Variants in RALY observed in about 807,000 individuals in gnomAD.
The protein encoded by RALY is RALY heterogeneous nuclear ribonucleoprotein.
In RALY, 15 loss-of-function variants were observed where a neutral mutation model predicts 30.7. That is an observed-to-expected ratio of 0.49 (90% CI 0.33 to 0.75). The LOEUF (loss-of-function observed/expected upper bound fraction) is 0.75. Ranked by LOEUF, RALY falls within the 30% of genes least tolerant of loss-of-function variation. The probability of loss-of-function intolerance (pLI) is 0.02; values close to 1 mark genes in which losing one functional copy is unlikely to be tolerated. For missense variants in RALY, 339 were observed against 414.3 expected (o/e 0.82, Z 1.58); for synonymous variants, 177 against 170.8 (o/e 1.04, Z -0.28).
At chr20:34,025,308 TC>T (rs11167222) in intron 1 of RALY, among the ~76,000 whole-genome samples, 99,704 of 142,186 alleles carry the variant, frequency 0.7, 34,953 homozygotes, top group South Asian at 0.82. Context: ...TCTCTCTCTC[TC>T]TTTTTTTTTT....
At chr20:34,020,579 G>T (rs1332088847) in intron 1 of RALY, among the ~76,000 whole-genome samples, 1 of 152,234 alleles carries the variant, frequency 6.6e-6, no homozygotes, top group African/African-American at 2.4e-5. Context: ...AGACAGATTA[G>T]TTAGAACATG....
intron 1 of RALY, among the ~76,000 whole-genome samples, chr20:34,005,464 G>A (rs1233717606): frequency 1.3e-5 from 2 of 151,796 alleles, no homozygotes; most frequent in African/African-American, 2.4e-5. Context: ...AGCCAAGATC[G>A]TGCCACTGCG....
intron 1 of RALY, among the ~76,000 whole-genome samples, chr20:34,013,553 C>T (rs1412017029): frequency 6.6e-6 from 1 of 152,122 alleles, no homozygotes; most frequent in Non-Finnish European, 1.5e-5. Flanking sequence ...CTTCTTATCC[C>T]CTTTACCTGA....
chr20:34,012,995 C>G (rs932531891), intron 1 of RALY, among the ~76,000 whole-genome samples: 6 of 152,178 alleles, frequency 3.9e-5, no homozygotes, highest in African/African-American at 1.4e-4. Flanking sequence ...GGTACTTGGA[C>G]TACTCATACA....
intron 3 of RALY, 53 bp downstream of exon 3, chr20:34,072,383 A>C (rs2033752001): frequency 6.4e-7 from 1 of 1,563,280 alleles, no homozygotes; most frequent in African/African-American, 1.4e-5. Context: ...AGCTGCTATC[A>C]CTATCCAGTT....
intron 2 of RALY, among the ~76,000 whole-genome samples, chr20:34,048,196 T>C (rs1459519156): frequency 6.6e-6 from 1 of 152,222 alleles, no homozygotes; most frequent in Middle Eastern, 3.2e-3. Context: ...CTGGACTCGT[T>C]AAAATGCTCT....
At chr20:34,072,777 G>A (rs1322411757) in intron 3 of RALY, among the ~76,000 whole-genome samples, 1 of 152,222 alleles carries the variant, frequency 6.6e-6, no homozygotes, top group Admixed American at 6.5e-5. Flanking sequence ...CTCTCTTGAA[G>A]TATGTACAGT....
intron 1 of RALY, among the ~76,000 whole-genome samples, chr20:34,007,820 C>CAAAAAAAAAAAAAA (rs10649045): frequency 8.9e-5 from 9 of 101,590 alleles, no homozygotes; most frequent in African/African-American, 3.2e-4. Context: ...AACTCCGTCT[C>CAAAAAAAAAAAAAA]AAAAAAAAAA....
intron 2 of RALY, among the ~76,000 whole-genome samples, chr20:34,064,814 T>C (rs45512800): frequency 4.1e-3 from 627 of 152,336 alleles, no homozygotes; most frequent in South Asian, 0.02. Context: ...ACTAGCACTT[T>C]ACTCATATTA....
chr20:34,040,762 T>C (rs1424904886), intron 2 of RALY, among the ~76,000 whole-genome samples: 1 of 152,200 alleles, frequency 6.6e-6, no homozygotes, highest in African/African-American at 2.4e-5. Flanking sequence ...AAGCTGAGGC[T>C]CAGTGAAGTG....
chr20:34,065,124 C>G (rs750955753), intron 2 of RALY: 4 of 152,138 alleles, frequency 2.6e-5, no homozygotes, highest in Non-Finnish European at 5.9e-5. Context: ...CTCCACAGTG[C>G]CAGCACAGAG....
chr20:34,033,301 C>T (rs1466773471), intron 2 of RALY: 1 of 152,208 alleles, frequency 6.6e-6, no homozygotes, highest in Non-Finnish European at 1.5e-5. Context: ...TGTAAAGCAG[C>T]ATGAACGAAA....
At chr20:34,045,500 G>T (rs1166788841) in intron 2 of RALY, among the ~76,000 whole-genome samples, 1 of 152,150 alleles carries the variant, frequency 6.6e-6, no homozygotes, top group East Asian at 1.9e-4. Context: ...GCTGAGGCCA[G>T]AACATAGGGC....
chr20:34,076,142 T>G, intron 6 of RALY, 102 bp downstream of exon 6: 1 of 1,355,454 alleles, frequency 7.4e-7, no homozygotes, highest in Non-Finnish European at 1.0e-6. Flanking sequence ...ACAACAAGTC[T>G]TCCACAGTTC....
chr20:34,074,242 G>A (rs2033811504), intron 5 of RALY, among the ~76,000 whole-genome samples: 1 of 152,150 alleles, frequency 6.6e-6, no homozygotes, highest in Admixed American at 6.5e-5. Flanking sequence ...CAGCTGGTAG[G>A]AGCCCCAGAG....
At chr20:34,051,920 A>G (rs944869161) in intron 2 of RALY, among the ~76,000 whole-genome samples, 1 of 152,178 alleles carries the variant, frequency 6.6e-6, no homozygotes, top group Non-Finnish European at 1.5e-5. Flanking sequence ...CTTTCACTAC[A>G]GTAAAATGGA....
At chr20:34,023,740 A>G (rs1366782367) in intron 1 of RALY, among the ~76,000 whole-genome samples, 2 of 152,104 alleles carry the variant, frequency 1.3e-5, no homozygotes, top group Non-Finnish European at 2.9e-5. Flanking sequence ...CCCCACAGTC[A>G]GTCTATGGTA....
rs191009257 is a variant in RALY at position 34,018,477 on chromosome 20, T to C, written c.-92-13045T>C. 1.6e-4 allele frequency among the ~76,000 whole-genome samples: 24 copies of C among 152,288 alleles called. No individual in the cohort carries two copies. In the East Asian group the frequency reaches 4.4e-3, roughly 28 times the overall value. On this transcript the variant is annotated intron_variant, in intron 1 of 9. Transcript: ENST00000246194. ...CAGCCTGCCCCTCCTTTCTGTGTTC[T>C]TTTACAGAAAGAAATTAATGGAATC...
intron 2 of RALY, among the ~76,000 whole-genome samples, chr20:34,036,674 T>C (rs1167080426): frequency 6.6e-6 from 1 of 152,232 alleles, no homozygotes; most frequent in Non-Finnish European, 1.5e-5. Flanking sequence ...CTTGTCTTTG[T>C]TGGAAGAGTT....
Sources: gnomAD v4.1 joint callset for allele counts (sites outside exome capture counted in the v4.1 genomes callset) on GRCh38, gnomAD v4.1.1 for gene constraint, MANE v1.5 for transcripts, NCBI Gene and HGNC (gene_info 2026-07-23, HGNC 2026-07-21) for gene names.